Variants in SEPTIN9 observed in about 807,000 individuals in gnomAD.
SEPTIN9 encodes septin 9.
Under a neutral mutation model 56.6 loss-of-function variants are expected in SEPTIN9, and 13 were observed. The observed-to-expected ratio is 0.23, with a 90% CI of 0.15 to 0.37. The LOEUF (loss-of-function observed/expected upper bound fraction) is 0.37. Ranked by LOEUF, SEPTIN9 falls within the 10% of genes least tolerant of loss-of-function variation. SEPTIN9 has a pLI of 1.00. For missense variants in SEPTIN9, 650 were observed against 823.1 expected (o/e 0.79, Z 2.57); for synonymous variants, 332 against 334.1 (o/e 0.99, Z 0.07).
rs2037257949 is a variant in SEPTIN9, at chr17:77,434,242, T to TA, written c.721+31539_721+31540insA. On this transcript the variant is annotated intron_variant, in intron 3 of 11. Transcript: ENST00000427177. This position sits in a 1 kb window ranked among gnomAD's most constrained non-coding sequence, Gnocchi z 5.0. The stretch of plus-strand genomic sequence containing the variant: ...ACGGTGGCAGGACTGGCTGGGGTTC[T>TA]GGCTCCAGGCCCAGCCCCAGCCCCT... 6.6e-6 allele frequency among the ~76,000 whole-genome samples: 1 copy of TA among 152,144 alleles called. No individual in the cohort carries two copies. The highest frequency in any genetic ancestry group is 1.5e-5 in the Non-Finnish European group (1 of 68,012).
At chr17:77,353,564 A>G (rs1283639383) in intron 2 of SEPTIN9, among the ~76,000 whole-genome samples, 1 of 152,026 alleles carries the variant, frequency 6.6e-6, no homozygotes, top group Admixed American at 6.6e-5. Flanking sequence ...TGCCAATACC[A>G]TCTTTGCTTG....
intron 1 of SEPTIN9, among the ~76,000 whole-genome samples, chr17:77,299,109 C>A: frequency 6.6e-6 from 1 of 152,216 alleles, no homozygotes; most frequent in East Asian, 1.9e-4. Context: ...GAAGCTGAGG[C>A]TCAGGAGAAG....
chr17:77,493,391 A>C (rs1568122222), intron 10 of SEPTIN9, among the ~76,000 whole-genome samples: 1 of 152,152 alleles, frequency 6.6e-6, no homozygotes, highest in Non-Finnish European at 1.5e-5. Flanking sequence ...GGCCCTGGAC[A>C]AATCGCCCAA....
intron 3 of SEPTIN9, among the ~76,000 whole-genome samples, chr17:77,430,545 C>T (rs1227841893): frequency 1.3e-5 from 2 of 152,172 alleles, no homozygotes; most frequent in East Asian, 3.9e-4. Flanking sequence ...CACGCATTCC[C>T]GATCTTGGTT....
In SEPTIN9 at chr17:77,475,863, C is replaced by T. The variant is rs185450788; in HGVS notation, c.722-6281C>T. On this transcript the variant is annotated intron_variant, in intron 3 of 11. Transcript: ENST00000427177. The surrounding 1 kb of genome is among the most constrained non-coding windows in gnomAD (Gnocchi z 4.6). The stretch of plus-strand genomic sequence containing the variant: ...GCCTCCGTGGGCAGGAGGAGGATGA[C>T]CTTGCATTCTGCTTGGCCACCATTG... 1.2e-6 allele frequency: 2 copies of T among 1,612,986 alleles called. No homozygotes were observed. Among genetic ancestry groups the T allele is most frequent in the South Asian group, 1.1e-5 (1 of 91,070 alleles).
rs189929020 is a variant in SEPTIN9, at chr17:77,313,784, G to A, written c.76+6587G>A. Among the ~76,000 whole-genome samples the A allele has an allele frequency of 5.9e-5, 9 of 152,054 alleles. No individual in the cohort carries two copies. Among genetic ancestry groups the A allele is most frequent in the African/African-American group, 1.9e-4 (8 of 41,470 alleles). On this transcript the variant is annotated intron_variant, in intron 2 of 11. Transcript: ENST00000427177. This position sits in a 1 kb window ranked among gnomAD's most constrained non-coding sequence, Gnocchi z 4.5. Reference sequence around the variant, plus strand: ...CTTTCTCTGTCCCCCAGGCTGGAGTGCAGTGGCACAATTATAGCTCACTGC... The same window carrying A: ...CTTTCTCTGTCCCCCAGGCTGGAGTACAGTGGCACAATTATAGCTCACTGC...
At chr17:77,391,299 A>G (rs1303631387) in intron 2 of SEPTIN9, among the ~76,000 whole-genome samples, 1 of 152,110 alleles carries the variant, frequency 6.6e-6, no homozygotes, top group Non-Finnish European at 1.5e-5. Flanking sequence ...CCTGGGGTCT[A>G]TATCCTGGGG....
At chr17:77,316,567 C>T (rs1647915684) in intron 2 of SEPTIN9, among the ~76,000 whole-genome samples, 2 of 152,204 alleles carry the variant, frequency 1.3e-5, no homozygotes, top group South Asian at 4.1e-4. Context: ...CCCGGCCCCT[C>T]ACTCGGGGCT....
In SEPTIN9 at chr17:77,371,601, C is replaced by T. The variant is rs991430160; in HGVS notation, c.77-30458C>T. On this transcript the variant is annotated intron_variant, in intron 2 of 11. Transcript: ENST00000427177. This position sits in a 1 kb window ranked among gnomAD's most constrained non-coding sequence, Gnocchi z 4.1. ...TGGACCCCCAAATCCCCAAATACGGCGTGGACAGGTGGCCCAGTAGGGGCT... is the reference window on the plus strand; with the variant it reads ...TGGACCCCCAAATCCCCAAATACGGTGTGGACAGGTGGCCCAGTAGGGGCT... Among the ~76,000 whole-genome samples, 2 of 152,180 alleles carry T rather than the reference C, an allele frequency of 1.3e-5. No homozygotes were observed. Among genetic ancestry groups the T allele is most frequent in the East Asian group, 1.9e-4 (1 of 5,192 alleles).
rs938804322 is a variant in SEPTIN9, at chr17:77,425,753, C to G, written c.721+23050C>G. 1.3e-5 allele frequency among the ~76,000 whole-genome samples: 2 copies of G among 151,586 alleles called. No individual in the cohort carries two copies. Among genetic ancestry groups the G allele is most frequent in the African/African-American group, 2.4e-5 (1 of 41,122 alleles). Reference sequence around the variant, plus strand: ...GAAGCTGCCCCCCGCTCATCTACCCCCCAACCCTCCCAGCCAGCAGAGTTT... The same window carrying G: ...GAAGCTGCCCCCCGCTCATCTACCCGCCAACCCTCCCAGCCAGCAGAGTTT... On this transcript the variant is annotated intron_variant, in intron 3 of 11. Transcript: ENST00000427177. The surrounding 1 kb of genome is among the most constrained non-coding windows in gnomAD (Gnocchi z 4.2).
At chr17:77,473,552 G>T (rs373698316) in intron 3 of SEPTIN9, among the ~76,000 whole-genome samples, 1 of 152,030 alleles carries the variant, frequency 6.6e-6, no homozygotes, top group Non-Finnish European at 1.5e-5. Context: ...TTGATGAACC[G>T]TTCAAAATAC....
chr17:77,486,529 C>CTGTGT (rs1568114414), intron 4 of SEPTIN9, among the ~76,000 whole-genome samples: 41 of 119,656 alleles, frequency 3.4e-4, no homozygotes, highest in South Asian at 1.7e-3. Context: ...TGTGCGCGCA[C>CTGTGT]GCGCGCGCGT....
chr17:77,414,682 A>G (rs746351076), intron 3 of SEPTIN9, among the ~76,000 whole-genome samples: 1 of 148,562 alleles, frequency 6.7e-6, no homozygotes, highest in Non-Finnish European at 1.5e-5. Context: ...GGCTCAAGCC[A>G]TCCTCCCACC....
chr17:77,498,420 G>A (rs1456884010), intron 11 of SEPTIN9, 103 bp from the exon 12 acceptor site: 2 of 725,964 alleles, frequency 2.8e-6, no homozygotes, highest in Non-Finnish European at 4.8e-6. Flanking sequence ...GGGGGTGGGG[G>A]CAGGCGGGCC....
In SEPTIN9 at chr17:77,433,804, G is replaced by GC. The variant is rs1173670104; in HGVS notation, c.721+31107dup. Among the ~76,000 whole-genome samples, 11 of 151,534 alleles carry GC rather than the reference G, an allele frequency of 7.3e-5. No individual in the cohort carries two copies. Among genetic ancestry groups the GC allele is most frequent in the East Asian group, 1.9e-4 (1 of 5,152 alleles). On this transcript the variant is annotated intron_variant, in intron 3 of 11. Transcript: ENST00000427177. The surrounding 1 kb of genome is among the most constrained non-coding windows in gnomAD (Gnocchi z 6.4). ...CCCTCCCCTCCTGGGTATCCCCTGCGCCCCCCGCCCCAGGCACTTGATGTT... is the reference window on the plus strand; with the variant it reads ...CCCTCCCCTCCTGGGTATCCCCTGCGCCCCCCCGCCCCAGGCACTTGATGTT...
rs767604039 is a variant in SEPTIN9, at chr17:77,383,438, C to T, written c.77-18621C>T. Among the ~76,000 whole-genome samples the T allele has an allele frequency of 9.9e-5, 15 of 151,912 alleles. 1 individual carries two copies. In the South Asian group the frequency reaches 1.0e-3, roughly 11 times the overall value. On this transcript the variant is annotated intron_variant, in intron 2 of 11. Coordinates refer to ENST00000427177, the MANE Select transcript of SEPTIN9 (RefSeq NM_001113491.2). ...AGGCTCCAGCGCTGGAAGGCCGGCCCGGGTCCTCCCAGTCCGCACCTGCAT... is the reference window on the plus strand; with the variant it reads ...AGGCTCCAGCGCTGGAAGGCCGGCCTGGGTCCTCCCAGTCCGCACCTGCAT...
At chr17:77,490,928 C>A in intron 8 of SEPTIN9, 69 bp downstream of exon 8, 3 of 1,218,330 alleles carry the variant, frequency 2.5e-6, no homozygotes, top group South Asian at 1.3e-5. Flanking sequence ...CTGGCAGGGG[C>A]CACCCCGTCT....
chr17:77,373,348 T>G, intron 2 of SEPTIN9: 14 of 1,183,764 alleles, frequency 1.2e-5, no homozygotes, highest in Non-Finnish European at 1.5e-5. Context: ...TTCATTCAGC[T>G]GAGCCAGGGG....
At chr17:77,490,356 C>T (rs550077600) in intron 7 of SEPTIN9, among the ~76,000 whole-genome samples, 76 of 152,348 alleles carry the variant, frequency 5.0e-4, no homozygotes, top group African/African-American at 1.7e-3. Context: ...GGGCACCGCA[C>T]ACTGGTGCTA....
Sources: gnomAD v4.1 joint callset for allele counts (sites outside exome capture counted in the v4.1 genomes callset) on GRCh38, gnomAD v4.1.1 for gene constraint, Gnocchi (gnomAD v3.1) non-coding constraint, MANE v1.5 for transcripts, NCBI Gene and HGNC (gene_info 2026-07-23, HGNC 2026-07-21) for gene names.